LHCGR: variants seen among roughly 807,000 people sequenced by gnomAD.
LHCGR encodes the protein luteinizing hormone/choriogonadotropin receptor.
In LHCGR, 55 loss-of-function variants were observed where a neutral mutation model predicts 60.7. That is an observed-to-expected ratio of 0.91 (90% CI 0.73 to 1.13). The LOEUF is 1.13. LHCGR is among the 50% of genes most tolerant of loss of function. The pLI is 0.00. For synonymous variants in LHCGR, 337 were observed against 316.5 expected (o/e 1.06, Z -0.69); for missense variants, 862 against 836.0 (o/e 1.03, Z -0.38).
chr2:48,747,265 AT>A (rs935589747), intron 1 of LHCGR, among the ~76,000 whole-genome samples: 2 of 151,454 alleles, frequency 1.3e-5, no homozygotes, highest in African/African-American at 4.9e-5. Flanking sequence ...ATTTTTTGGT[AT>A]TTTTTAGTAG....
chr2:48,743,480 A>G (rs906234759), intron 1 of LHCGR, among the ~76,000 whole-genome samples: 9 of 152,286 alleles, frequency 5.9e-5, no homozygotes, highest in African/African-American at 2.2e-4. Flanking sequence ...CAGCACATCA[A>G]AAAGCTTATC....
rs748836965 is a variant in LHCGR, at chr2:48,713,978, A to ATACT, written c.605+4_605+7dup. The ATACT allele has an allele frequency of 7.6e-6, 12 of 1,586,950 alleles. No homozygotes were observed. The highest frequency in any genetic ancestry group is 7.8e-6 in the Non-Finnish European group (9 of 1,155,370). ...ATTCCTGAGCTGGGGAAATAAGCAAATACTTACAGTGAAGTCAGTGTCGTC... is the reference window on the plus strand; with the variant it reads ...ATTCCTGAGCTGGGGAAATAAGCAAATACTTACTTACAGTGAAGTCAGTGTCGTC... On this transcript the variant is annotated splice_region_variant and intron_variant, in intron 7 of 10. Transcript: ENST00000294954.
intron 1 of LHCGR, among the ~76,000 whole-genome samples, chr2:48,749,900 A>G (rs1467168853): frequency 1.3e-5 from 2 of 152,136 alleles, no homozygotes; most frequent in African/African-American, 4.8e-5. Flanking sequence ...CACTTTCCCC[A>G]GCAGAGTGAT....
chr2:48,695,187 A>T (rs185484470), intron 9 of LHCGR, among the ~76,000 whole-genome samples: 8 of 152,234 alleles, frequency 5.3e-5, no homozygotes, highest in Non-Finnish European at 1.2e-4. Context: ...TAGATTCTGG[A>T]TATTAGACCT....
At chr2:48,711,079 T>C (rs1667965751) in intron 7 of LHCGR, among the ~76,000 whole-genome samples, 1 of 152,144 alleles carries the variant, frequency 6.6e-6, no homozygotes, top group African/African-American at 2.4e-5. Flanking sequence ...CTTTTCCAGC[T>C]CAGGACCTTT....
At chr2:48,744,876 A>G (rs1196494807) in intron 1 of LHCGR, among the ~76,000 whole-genome samples, 1 of 152,138 alleles carries the variant, frequency 6.6e-6, no homozygotes, top group Non-Finnish European at 1.5e-5. Flanking sequence ...GCTTCTGCAC[A>G]GCAAAAGAAA....
At chr2:48,718,440 C>T (rs1668357898) in intron 6 of LHCGR, among the ~76,000 whole-genome samples, 1 of 152,144 alleles carries the variant, frequency 6.6e-6, no homozygotes, top group African/African-American at 2.4e-5. Flanking sequence ...ATTAGACATT[C>T]TTCTATAGTT....
At chr2:48,714,850 T>C (rs1044920854) in intron 6 of LHCGR, among the ~76,000 whole-genome samples, 1 of 152,090 alleles carries the variant, frequency 6.6e-6, no homozygotes, top group African/African-American at 2.4e-5. Context: ...CAAAGGAGTC[T>C]AGAGGGAATC....
intron 8 of LHCGR, among the ~76,000 whole-genome samples, chr2:48,704,633 C>A (rs986104323): frequency 1.3e-5 from 2 of 152,016 alleles, no homozygotes; most frequent in South Asian, 4.2e-4. Flanking sequence ...TGTATGTGTC[C>A]AGGAATTTAT....
chr2:48,737,300 C>CT (rs1558883753), intron 1 of LHCGR, among the ~76,000 whole-genome samples: 1 of 152,150 alleles, frequency 6.6e-6, no homozygotes, highest in Non-Finnish European at 1.5e-5. Context: ...TTCTAAAACA[C>CT]TACAAAATCA....
At chr2:48,748,828 T>C (rs1218248237) in intron 1 of LHCGR, among the ~76,000 whole-genome samples, 1 of 152,056 alleles carries the variant, frequency 6.6e-6, no homozygotes, top group East Asian at 1.9e-4. Flanking sequence ...AGCAAAGAGA[T>C]TTCATCATTG....
chr2:48,701,788 A>G (rs1667424364), intron 8 of LHCGR, among the ~76,000 whole-genome samples: 1 of 152,258 alleles, frequency 6.6e-6, no homozygotes, highest in South Asian at 2.1e-4. Context: ...TGACTACCAC[A>G]TAGTATGGGT....
intron 8 of LHCGR, among the ~76,000 whole-genome samples, chr2:48,703,366 G>A (rs556476359): frequency 1.2e-4 from 19 of 152,260 alleles, no homozygotes; most frequent in African/African-American, 3.6e-4. Context: ...TGTCCTGAAC[G>A]GTAATGCCTA....
intron 1 of LHCGR, among the ~76,000 whole-genome samples, chr2:48,745,102 C>T (rs1224638250): frequency 2.0e-5 from 3 of 152,110 alleles, no homozygotes; most frequent in Non-Finnish European, 2.9e-5. Context: ...AAAGTGCTCA[C>T]CATCACTGGC....
chr2:48,750,174 C>G (rs1274340316), intron 1 of LHCGR, among the ~76,000 whole-genome samples: 2 of 152,114 alleles, frequency 1.3e-5, no homozygotes, highest in Non-Finnish European at 2.9e-5. Flanking sequence ...AGGGTAGGGC[C>G]AAGCTGTCTT....
chr2:48,693,162 G>C (rs1297182971), intron 10 of LHCGR, among the ~76,000 whole-genome samples: 3 of 152,172 alleles, frequency 2.0e-5, no homozygotes, highest in African/African-American at 4.8e-5. Flanking sequence ...AGAAGAGAGG[G>C]AAGGGTGAAG....
In LHCGR at chr2:48,734,853, C is replaced by A. The variant is rs17037592; in HGVS notation, c.162-3555G>T. Among the ~76,000 whole-genome samples, 273 of 152,326 alleles carry A rather than the reference C, an allele frequency of 1.8e-3. 3 individuals are homozygous for A. The highest frequency in any genetic ancestry group is 6.2e-3 in the African/African-American group (256 of 41,586). On this transcript the variant is annotated intron_variant, in intron 1 of 10. Coordinates refer to ENST00000294954, the MANE Select transcript of LHCGR (RefSeq NM_000233.4). ...CTCAGCAAAAGAGGGTGATACACCA[C>A]AACTATGCACCTCAGATGGGTGGTA...
chr2:48,738,648 A>G (rs1418101735), intron 1 of LHCGR, among the ~76,000 whole-genome samples: 4 of 152,216 alleles, frequency 2.6e-5, no homozygotes, highest in African/African-American at 9.6e-5. Flanking sequence ...GCACCGTCTC[A>G]TATGGCAGCC....
intron 6 of LHCGR, among the ~76,000 whole-genome samples, chr2:48,716,039 T>C (rs1207851774): frequency 6.6e-6 from 1 of 152,170 alleles, no homozygotes. Context: ...CTTCAGAGTT[T>C]ACAGCTTCAC....
Sources: gnomAD v4.1 joint callset for allele counts (sites outside exome capture counted in the v4.1 genomes callset) on GRCh38, gnomAD v4.1.1 for gene constraint, MANE v1.5 for transcripts, NCBI Gene and HGNC (gene_info 2026-07-23, HGNC 2026-07-21) for gene names.